Variants in VPS13A observed in about 807,000 individuals in gnomAD.
VPS13A encodes the protein vacuolar protein sorting 13 homolog A, also known as intermembrane lipid transfer protein VPS13A.
In VPS13A, 264 loss-of-function variants were observed where a neutral mutation model predicts 390.9. That is an observed-to-expected ratio of 0.68 (90% CI 0.61 to 0.75). VPS13A has a LOEUF of 0.75. VPS13A is among the 30% of genes least tolerant of loss of function. The probability of loss-of-function intolerance (pLI) is 0.00; values close to 1 mark genes in which losing one functional copy is unlikely to be tolerated. For synonymous variants in VPS13A, 1,231 were observed against 1,227.1 expected (o/e 1.00, Z -0.07); for missense variants, 3,409 against 3,733.9 (o/e 0.91, Z 2.27).
At chr9:77,367,913 A>C in intron 61 of VPS13A, 142 bp from the exon 62 acceptor site, 1 of 760,728 alleles carries the variant, frequency 1.3e-6, no homozygotes, top group East Asian at 2.7e-5. Context: ...TGTAAAAAGT[A>C]AATTTCCTGA....
chr9:77,339,404 T>C (rs1830696960), intron 47 of VPS13A, 112 bp from the exon 48 acceptor site: 1 of 996,030 alleles, frequency 1.0e-6, no homozygotes, highest in South Asian at 1.7e-5. Flanking sequence ...CTTGTTCTGA[T>C]AGGTATTTCA....
At chr9:77,214,290 T>G (rs1822725143) in intron 9 of VPS13A, 39 bp from the exon 10 acceptor site, 1 of 1,575,018 alleles carries the variant, frequency 6.3e-7, no homozygotes, top group Middle Eastern at 1.7e-4. Context: ...AAAGACATAT[T>G]GGCATGAATA....
intron 17 of VPS13A, among the ~76,000 whole-genome samples, chr9:77,235,269 A>T (rs1007316475): frequency 1.3e-5 from 2 of 152,142 alleles, no homozygotes; most frequent in Non-Finnish European, 2.9e-5. Flanking sequence ...GTTCATCTGG[A>T]AATGTGTTCA....
intron 45 of VPS13A, among the ~76,000 whole-genome samples, chr9:77,329,896 T>A (rs1435389432): frequency 6.6e-6 from 1 of 152,136 alleles, no homozygotes; most frequent in Non-Finnish European, 1.5e-5. Flanking sequence ...TTATCTCAGG[T>A]TTTTTTCAGT....
intron 35 of VPS13A, 140 bp downstream of exon 35, chr9:77,308,238 TGTTTA>T (rs1828882878): frequency 1.0e-6 from 1 of 990,854 alleles, no homozygotes; most frequent in Non-Finnish European, 1.5e-6. Flanking sequence ...TCCTTCTTTT[TGTTTA>T]GTTTGGGCAA....
chr9:77,180,532 A>C (rs1823945157), intron 1 of VPS13A, among the ~76,000 whole-genome samples: 2 of 152,200 alleles, frequency 1.3e-5, no homozygotes, highest in Non-Finnish European at 2.9e-5. Flanking sequence ...CCCAAAGTCA[A>C]AGATGTTCTC....
rs1470899425 is a variant in VPS13A, at chr9:77,250,065, G to A, written c.2038-32G>A. The A allele has an allele frequency of 3.7e-6, 6 of 1,610,286 alleles. No individual in the cohort carries two copies. In the African/African-American group the frequency reaches 6.7e-5, roughly 18 times the overall value. On this transcript the variant is annotated intron_variant, in intron 20 of 71. Transcript: ENST00000360280. ...TTATACTTACATTTTGAAGTATTTT[G>A]CATAGTCTAAACTATTAAAATTAAC...
At chr9:77,413,343 C>T (rs932036887) in intron 71 of VPS13A, among the ~76,000 whole-genome samples, 20 of 152,162 alleles carry the variant, frequency 1.3e-4, no homozygotes, top group Non-Finnish European at 2.8e-4. Context: ...TCAAACTATA[C>T]TACAAGGCTA....
chr9:77,305,185 C>T (rs528496776), intron 34 of VPS13A, among the ~76,000 whole-genome samples: 3 of 152,012 alleles, frequency 2.0e-5, no homozygotes, highest in Non-Finnish European at 4.4e-5. Flanking sequence ...TGATCCACCC[C>T]CCTTGGCCTC....
chr9:77,287,182 T>TTA (rs1022034747), intron 31 of VPS13A, among the ~76,000 whole-genome samples: 3 of 147,976 alleles, frequency 2.0e-5, no homozygotes, highest in Non-Finnish European at 4.5e-5. Context: ...AAAAAACTAA[T>TTA]TATATATATT....
At chr9:77,346,553 T>G (rs918570995) in intron 52 of VPS13A, among the ~76,000 whole-genome samples, 7 of 152,218 alleles carry the variant, frequency 4.6e-5, no homozygotes, top group African/African-American at 1.4e-4. Context: ...TATTTTTATT[T>G]TGTTGCATTT....
At chr9:77,270,363 A>T (rs978746174) in intron 23 of VPS13A, among the ~76,000 whole-genome samples, 1 of 152,194 alleles carries the variant, frequency 6.6e-6, no homozygotes, top group African/African-American at 2.4e-5. Flanking sequence ...AGTGGCAAAG[A>T]TCTTGGTTAA....
At chr9:77,352,211 A>G (rs917897895) in intron 53 of VPS13A, among the ~76,000 whole-genome samples, 1 of 152,242 alleles carries the variant, frequency 6.6e-6, no homozygotes, top group Non-Finnish European at 1.5e-5. Context: ...TCTGAGTGGC[A>G]AGCTATGATG....
At chr9:77,184,379 G>A (rs567427680) in intron 1 of VPS13A, among the ~76,000 whole-genome samples, 1 of 152,278 alleles carries the variant, frequency 6.6e-6, no homozygotes, top group African/African-American at 2.4e-5. Context: ...AGCACTTTGG[G>A]AAGCTGAGGT....
At chr9:77,414,767 T>TAATAATAATAAA (rs1320723309) in intron 71 of VPS13A, among the ~76,000 whole-genome samples, 11 of 143,888 alleles carry the variant, frequency 7.6e-5, no homozygotes, top group Non-Finnish European at 1.2e-4. Context: ...ATAATAATAA[T>TAATAATAATAAA]AAAAACTTAG....
At chr9:77,381,930 G>A (rs749528676) in intron 67 of VPS13A, 46 bp from the exon 68 acceptor site, 1 of 1,295,370 alleles carries the variant, frequency 7.7e-7, no homozygotes, top group Non-Finnish European at 1.1e-6. Flanking sequence ...TTATTTACAA[G>A]TTTTTGAATA....
intron 22 of VPS13A, among the ~76,000 whole-genome samples, chr9:77,256,143 G>C (rs12344244): frequency 0.2 from 30,644 of 151,680 alleles, 3,291 homozygotes; most frequent in Middle Eastern, 0.26. Flanking sequence ...TATAAAGTCC[G>C]CTTTTGGCAG....
At chr9:77,349,653 T>G (rs1831348699) in intron 52 of VPS13A, among the ~76,000 whole-genome samples, 1 of 152,154 alleles carries the variant, frequency 6.6e-6, no homozygotes, top group South Asian at 2.1e-4. Flanking sequence ...TGTTGTTTAT[T>G]TGTTTTTTGA....
intron 61 of VPS13A, among the ~76,000 whole-genome samples, chr9:77,367,173 T>C (rs1832480365): frequency 1.3e-5 from 2 of 152,170 alleles, no homozygotes; most frequent in Admixed American, 1.3e-4. Context: ...CCCAAAGATA[T>C]GGTGCCTGAA....
Sources: allele counts gnomAD v4.1 joint callset (sites outside exome capture counted in the v4.1 genomes callset), GRCh38; gene constraint gnomAD v4.1.1; transcripts MANE v1.5; gene names NCBI Gene and HGNC (gene_info 2026-07-23, HGNC 2026-07-21).